Variants in HMCN1 observed in about 807,000 individuals in gnomAD.
HMCN1 encodes the protein hemicentin 1.
HMCN1 carries 321 observed loss-of-function variants against 625.9 expected under a neutral mutation model. That is an observed-to-expected ratio of 0.51 (90% CI 0.47 to 0.56). The LOEUF (loss-of-function observed/expected upper bound fraction) is 0.56. Among genes scored for constraint, HMCN1 ranks in the 20% least tolerant of loss-of-function variants. HMCN1 has a pLI of 0.00. For synonymous variants in HMCN1, 2,425 were observed against 2,417.6 expected (o/e 1.00, Z -0.09); for missense variants, 6,588 against 6,887.3 (o/e 0.96, Z 1.54).
chr1:186,077,087 A>G (rs1658869153), intron 54 of HMCN1, among the ~76,000 whole-genome samples: 1 of 152,198 alleles, frequency 6.6e-6, no homozygotes, highest in South Asian at 2.1e-4. Flanking sequence ...CTGTTATGGA[A>G]TAATATTTTC....
chr1:185,850,302 G>A (rs1662084382), intron 2 of HMCN1, among the ~76,000 whole-genome samples: 1 of 152,100 alleles, frequency 6.6e-6, no homozygotes, highest in Admixed American at 6.6e-5. Flanking sequence ...AGTTTTTATT[G>A]CCTTATAGAG....
At chr1:186,094,174 A>C in intron 66 of HMCN1, 102 bp from the exon 67 acceptor site, 1 of 934,018 alleles carries the variant, frequency 1.1e-6, no homozygotes, top group Non-Finnish European at 1.7e-6. Flanking sequence ...AAAATTTCCC[A>C]ACATAAATCA....
chr1:186,136,602 A>T, intron 86 of HMCN1, 66 bp from the exon 87 acceptor site: 1 of 1,451,106 alleles, frequency 6.9e-7, no homozygotes, highest in Non-Finnish European at 9.7e-7. Context: ...GTCGCCATAT[A>T]ATACATGATA....
At chr1:185,793,177 C>T (rs375979389) in intron 1 of HMCN1, among the ~76,000 whole-genome samples, 1 of 152,040 alleles carries the variant, frequency 6.6e-6, no homozygotes, top group Non-Finnish European at 1.5e-5. Context: ...TAATAAATTA[C>T]CATGAATTTA....
In HMCN1 at chr1:185,865,878, G is replaced by A. The variant is rs1315946235; in HGVS notation, c.621+15G>A. On this transcript the variant is annotated intron_variant, in intron 4 of 106. Coordinates refer to ENST00000271588, the MANE Select transcript of HMCN1 (RefSeq NM_031935.3). ...AAGTTAATGAGGTCAGTTTAATAAA[G>A]GGAGTCTACTTTATTACCAGCTGCC... 1 of 1,612,816 alleles carries A rather than the reference G, an allele frequency of 6.2e-7. No individual in the cohort carries two copies. The highest frequency in any genetic ancestry group is 1.7e-5 in the Admixed American group (1 of 59,978).
rs1036620391 is a variant in HMCN1 at position 186,190,668 on chromosome 1, A to T, written c.*790A>T. 5.2e-5 allele frequency: 10 copies of T among 192,476 alleles called. No homozygotes were observed. Among genetic ancestry groups the T allele is most frequent in the Non-Finnish European group, 8.7e-5 (8 of 91,856 alleles). The allele number at this position is 192,476 out of a possible 1,614,324, so 11.9% of individuals were successfully genotyped here. On this transcript the variant is annotated 3_prime_UTR_variant, in exon 107 of 107. Coordinates refer to ENST00000271588, the MANE Select transcript of HMCN1 (RefSeq NM_031935.3). ...CCAGAATTTTGTTTATTTTCCTGTC[A>T]ATGAAAGCAATTTTTAAAGATACCA...
chr1:186,153,014 GT>G (rs1650772922), intron 96 of HMCN1, 143 bp downstream of exon 96: 1 of 1,178,110 alleles, frequency 8.5e-7, no homozygotes, highest in African/African-American at 1.5e-5. Flanking sequence ...TCTGATCTTT[GT>G]TTAAAAATCT....
Position 185,996,922 on chromosome 1 carries a change from G to A in HMCN1, c.3779-507G>A, listed in dbSNP as rs371761329. ...GATTTGAATTAGATAAGTCAATGAT[G>A]AGATTTGTGTTTCAGAGAGAGTATT... On this transcript the variant is annotated intron_variant, in intron 24 of 106. Transcript: ENST00000271588. 1.2e-4 allele frequency among the ~76,000 whole-genome samples: 18 copies of A among 152,200 alleles called. No homozygotes were observed. In the East Asian group the frequency reaches 2.5e-3, roughly 21 times the overall value.
chr1:185,990,315 G>A lies in HMCN1; in HGVS notation c.3249G>A (p.Gln1083=), dbSNP rs1652333404. ...RVFGDQRGLS[Q]DKPVEISVLA... The stretch of plus-strand genomic sequence containing the variant: ...TTGGAGATCAACGAGGACTGTCCCA[G>A]GATAAGCCTGTTGAGATCTCCGTCC... The change falls in exon 22 of 107, where the codon CAG becomes CAA. Residue 1083 remains glutamine (Q), a synonymous_variant. Transcript: ENST00000271588. 2 of 1,614,080 alleles carry A rather than the reference G, an allele frequency of 1.2e-6. No homozygotes were observed. The highest frequency in any genetic ancestry group is 1.1e-5 in the South Asian group (1 of 91,086).
At chr1:185,921,776 A>G (rs1667019665) in intron 6 of HMCN1, among the ~76,000 whole-genome samples, 1 of 152,158 alleles carries the variant, frequency 6.6e-6, no homozygotes, top group African/African-American at 2.4e-5. Flanking sequence ...TTGAAATGCA[A>G]ATTCCTAGAC....
intron 1 of HMCN1, among the ~76,000 whole-genome samples, chr1:185,776,287 T>G (rs1016705093): frequency 1.3e-5 from 2 of 152,212 alleles, no homozygotes; most frequent in Non-Finnish European, 2.9e-5. Context: ...TTTCTGCATT[T>G]TAATTAGATA....
At position 185,982,388 on chromosome 1, in the gene HMCN1, T is replaced by C. The variant is rs777296308; in HGVS notation, c.2789T>C (p.Met930Thr). 6.2e-6 allele frequency: 10 copies of C among 1,613,296 alleles called. No individual in the cohort carries two copies. The Middle Eastern group carries it at 1.2e-3, about 186-fold the overall frequency. ...PERRWIKNSA[M>T]LLQNPYITVR... ...CGTCGGTGGATTAAGAATTCAGCTATGGTAAGAACATTTTAAATGCATGCA... is the reference window on the plus strand; with the variant it reads ...CGTCGGTGGATTAAGAATTCAGCTACGGTAAGAACATTTTAAATGCATGCA... The change falls in exon 18 of 107, where the codon ATG (methionine) becomes ACG (threonine). Residue 930 changes from methionine to threonine, a missense_variant and splice_region_variant. This residue lies in a region of HMCN1 where 4,628 missense variants were observed against 4,853.1 expected (regional missense o/e 0.95). Coordinates refer to ENST00000271588, the MANE Select transcript of HMCN1 (RefSeq NM_031935.3).
At chr1:186,182,643 T>A (rs1446909807) in intron 105 of HMCN1, among the ~76,000 whole-genome samples, 1 of 152,206 alleles carries the variant, frequency 6.6e-6, no homozygotes, top group East Asian at 1.9e-4. Context: ...GTAAATTTAC[T>A]TCAGTGTTAG....
At chr1:186,120,520 T>G (rs1661352095) in intron 80 of HMCN1, among the ~76,000 whole-genome samples, 1 of 152,222 alleles carries the variant, frequency 6.6e-6, no homozygotes. Context: ...ATAATCGCAG[T>G]TAAACCAACT....
At chr1:185,775,198 A>G (rs180842477) in intron 1 of HMCN1, among the ~76,000 whole-genome samples, 19 of 152,302 alleles carry the variant, frequency 1.2e-4, no homozygotes, top group African/African-American at 4.6e-4. Flanking sequence ...GTTCTAGAGT[A>G]TGTGAAAGAC....
intron 100 of HMCN1, among the ~76,000 whole-genome samples, chr1:186,169,010 A>G (rs1304558656): frequency 6.6e-6 from 1 of 152,100 alleles, no homozygotes; most frequent in Non-Finnish European, 1.5e-5. Flanking sequence ...GAGAGAGAAC[A>G]TGTGGTATTT....
chr1:185,787,178 T>C lies in HMCN1; in HGVS notation c.268+52131T>C, dbSNP rs866307031. ...GTGTGTGTGTGTGTGTGTGTGTGTG[T>C]GCATGCACGTGTGTTTTAATGAACA... is the stretch of plus-strand genomic sequence containing the variant. On this transcript the variant is annotated intron_variant, in intron 1 of 106. Transcript: ENST00000271588. Among the ~76,000 whole-genome samples the C allele has an allele frequency of 8.0e-4, 121 of 150,994 alleles. 1 individual carries two copies. The highest frequency in any genetic ancestry group is 2.5e-3 in the African/African-American group (104 of 41,004).
chr1:186,023,921 A>G (rs1275569836), intron 36 of HMCN1, among the ~76,000 whole-genome samples: 1 of 152,216 alleles, frequency 6.6e-6, no homozygotes, highest in Non-Finnish European at 1.5e-5. Context: ...AGTCAAAAAT[A>G]TTTAACAAAT....
In HMCN1 at chr1:185,994,878, T is replaced by C; in HGVS notation, c.3569T>C (p.Ile1190Thr). Reference protein sequence around the residue: ...LKVQVGQRVDIPCNAQGTPLP... With the variant: ...LKVQVGQRVDTPCNAQGTPLP... ...GTCCAAGTTGGTCAAAGAGTGGATATTCCATGTAATGCTCAAGGGACTCCT... is the reference window on the plus strand; with the variant it reads ...GTCCAAGTTGGTCAAAGAGTGGATACTCCATGTAATGCTCAAGGGACTCCT... The change falls in exon 24 of 107, where the codon ATT becomes ACT. Residue 1190 changes from isoleucine (I) to threonine (T), a missense_variant. Ile to Thr is a moderately conservative substitution (Grantham distance 89, BLOSUM62 -1). Coordinates refer to ENST00000271588, the MANE Select transcript of HMCN1 (RefSeq NM_031935.3). The C allele has an allele frequency of 6.2e-7, 1 of 1,613,802 alleles. No homozygotes were observed.
Sources: allele counts gnomAD v4.1 joint callset (sites outside exome capture counted in the v4.1 genomes callset), GRCh38; gene constraint gnomAD v4.1.1; regional missense constraint gnomAD v4.1.1; transcripts MANE v1.5; gene names NCBI Gene and HGNC (gene_info 2026-07-23, HGNC 2026-07-21).